The following HACL1 variants were observed in gnomAD, a reference collection of about 807,000 sequenced individuals.
HACL1 encodes the protein 2-hydroxyacyl-CoA lyase 1.
In HACL1, 64 loss-of-function variants were observed where a neutral mutation model predicts 74.2. The ratio of observed to expected loss-of-function variants is 0.86; its 90% CI spans 0.70 to 1.06. HACL1 has a LOEUF of 1.06. HACL1 is among the 50% of genes least tolerant of loss of function. The pLI is 0.00. For synonymous variants in HACL1, 230 were observed against 238.8 expected, an observed-to-expected ratio of 0.96 and a Z score of 0.34; for missense variants, 728 against 719.7, an observed-to-expected ratio of 1.01 and a Z score of -0.13.
chr3:15,583,321 T>C (rs541888052), intron 7 of HACL1, among the ~76,000 whole-genome samples: 15 of 152,326 alleles, frequency 9.8e-5, no homozygotes, highest in African/African-American at 3.1e-4. Flanking sequence ...TTCCCTGATA[T>C]CATCTAATAA....
chr3:15,592,181 T>C (rs1299235468), intron 3 of HACL1, among the ~76,000 whole-genome samples: 2 of 150,250 alleles, frequency 1.3e-5, no homozygotes, highest in South Asian at 2.1e-4. Flanking sequence ...CATGTATATA[T>C]GTATACATAC....
In HACL1 at chr3:15,593,946, T is replaced by C. The variant is rs1287301870; in HGVS notation, c.228-2266A>G. On this transcript the variant is annotated intron_variant, in intron 3 of 16. Coordinates refer to ENST00000321169, the MANE Select transcript of HACL1 (RefSeq NM_012260.4). The stretch of plus-strand genomic sequence containing the variant: ...CCAAGTAGCTGGGATTACAGGCATG[T>C]GCCACCACACCCGGCTAATTTTTGT... Among the ~76,000 whole-genome samples the C allele has an allele frequency of 3.3e-5, 5 of 152,044 alleles. No homozygotes were observed. In the East Asian group the frequency reaches 9.8e-4, roughly 30 times the overall value.
intron 3 of HACL1, among the ~76,000 whole-genome samples, chr3:15,591,929 G>C (rs763778883): frequency 4.3e-4 from 64 of 147,384 alleles, no homozygotes; most frequent in African/African-American, 1.5e-3. Context: ...GTATATATAC[G>C]TATATACGTG....
At chr3:15,594,172 C>T (rs2064014276) in intron 3 of HACL1, among the ~76,000 whole-genome samples, 1 of 152,148 alleles carries the variant, frequency 6.6e-6, no homozygotes, top group African/African-American at 2.4e-5. Flanking sequence ...TCTTGAGAGG[C>T]TGAGGCAGAT....
intron 16 of HACL1, 93 bp from the exon 17 acceptor site, chr3:15,560,990 C>CT: frequency 2.0e-6 from 2 of 983,992 alleles, no homozygotes. Flanking sequence ...CCTAAAAGTC[C>CT]TACACAATGG....
rs552798322 is a variant in HACL1 at position 15,562,413 on chromosome 3, T to C, written c.1704+945A>G. ...AATGCCAAAGTCATTGAAATCTGTT[T>C]TTACACAAATAGAATTTCAATAGAA... On this transcript the variant is annotated intron_variant, in intron 16 of 16. Transcript: ENST00000321169. Among the ~76,000 whole-genome samples, 22 of 152,342 alleles carry C rather than the reference T, an allele frequency of 1.4e-4. No individual in the cohort carries two copies. In the South Asian group the frequency reaches 4.6e-3, roughly 32 times the overall value.
Position 15,601,446 on chromosome 3 carries a change from G to T in HACL1, c.18C>A (p.Phe6Leu). MPDSN[F>L]AERSEEQVSG... The stretch of plus-strand genomic sequence containing the variant: ...ACACCTGCTCCTCGCTGCGCTCTGC[G>T]AAGTTACTGTCCGGCATCTTCCACC... Residue 6 changes from phenylalanine (F) to leucine (L), a missense_variant, in exon 1 of 17, where the codon TTC becomes TTA. Physicochemically the swap from Phe to Leu is conservative, Grantham distance 22 (BLOSUM62 0). Coordinates refer to ENST00000321169, the MANE Select transcript of HACL1 (RefSeq NM_012260.4). The T allele has an allele frequency of 1.9e-6, 3 of 1,613,564 alleles. No homozygotes were observed. Among genetic ancestry groups the T allele is most frequent in the East Asian group, 2.2e-5 (1 of 44,882 alleles).
At chr3:15,584,886 ATCCTGAG>A (rs2063768198) in intron 7 of HACL1, among the ~76,000 whole-genome samples, 1 of 152,156 alleles carries the variant, frequency 6.6e-6, no homozygotes, top group Admixed American at 6.5e-5. Context: ...GATGTTTTTT[ATCCTGAG>A]TCCTAATACT....
At chr3:15,572,137 G>A (rs2063546998) in intron 11 of HACL1, among the ~76,000 whole-genome samples, 1 of 152,230 alleles carries the variant, frequency 6.6e-6, no homozygotes, top group South Asian at 2.1e-4. Context: ...ACCATGCCCA[G>A]TCTGCTTTTT....
chr3:15,592,346 T>C (rs1255747523), intron 3 of HACL1, among the ~76,000 whole-genome samples: 2 of 136,988 alleles, frequency 1.5e-5, no homozygotes, highest in East Asian at 2.0e-4. Context: ...GGCACCAGAG[T>C]ATACTCTATA....
At position 15,591,613 on chromosome 3, in the gene HACL1, T is replaced by C; in HGVS notation, c.295A>G (p.Asn99Asp). 1 of 1,600,796 alleles carries C rather than the reference T, an allele frequency of 6.2e-7. No homozygotes were observed. Among genetic ancestry groups the C allele is most frequent in the Non-Finnish European group, 8.6e-7 (1 of 1,168,090 alleles). Residue 99 changes from asparagine to aspartate, a missense_variant, in exon 4 of 17, where the codon AAC (asparagine) becomes GAC (aspartate). Asn to Asp is a conservative substitution (Grantham distance 23, BLOSUM62 1). Transcript: ENST00000321169. ...TAATGTCATTACCAGCAGTTCATGTTTGCATTTGCCATACCGCCCAAGGCA... is the reference window on the plus strand; with the variant it reads ...TAATGTCATTACCAGCAGTTCATGTCTGCATTTGCCATACCGCCCAAGGCA... Reference protein sequence around the residue: ...IHALGGMANANMNCWPLLVIG... With the variant: ...IHALGGMANADMNCWPLLVIG...
chr3:15,561,507 A>G (rs1048692129), intron 16 of HACL1, among the ~76,000 whole-genome samples: 14 of 152,234 alleles, frequency 9.2e-5, no homozygotes, highest in African/African-American at 3.1e-4. Context: ...AGAATTGTAA[A>G]AGAGGAAGAC....
In HACL1 at chr3:15,585,279, C is replaced by A. The variant is rs763757367; in HGVS notation, c.523G>T (p.Val175Leu). ...ACYVDIPADF[V>L]NLQVNVNSIK... ...GAATTCACATTCACCTGAAGGTTCACAAAATCTGCTGGTATGTCAACATAG... is the reference window on the plus strand; with the variant it reads ...GAATTCACATTCACCTGAAGGTTCAAAAAATCTGCTGGTATGTCAACATAG... The change falls in exon 7 of 17, where the codon GTG becomes TTG. Residue 175 changes from valine to leucine, a missense_variant. By Grantham distance (32) the Val-to-Leu change is conservative. Transcript: ENST00000321169. 1 of 1,600,186 alleles carries A rather than the reference C, an allele frequency of 6.2e-7. No homozygotes were observed. Among genetic ancestry groups the A allele is most frequent in the Non-Finnish European group, 8.6e-7 (1 of 1,167,386 alleles).
intron 5 of HACL1, 122 bp downstream of exon 5, chr3:15,589,418 G>A: frequency 1.7e-6 from 1 of 582,208 alleles, no homozygotes; most frequent in South Asian, 2.1e-5. Flanking sequence ...GATTGCTTGA[G>A]GTCAGGAGGT....
Position 15,589,759 on chromosome 3 carries a change from G to T in HACL1, c.309-147C>A, listed in dbSNP as rs1001233134. The T allele has an allele frequency of 2.2e-4, 135 of 624,142 alleles. 1 individual carries two copies. Among genetic ancestry groups the T allele is most frequent in the Non-Finnish European group, 1.7e-4 (61 of 357,992 alleles). 38.7% of individuals were successfully genotyped at this position (624,142 alleles called of 1,614,324 possible). On this transcript the variant is annotated intron_variant, in intron 4 of 16. Transcript: ENST00000321169. ...CTTAGAAACTGTAGATTAAGGCTGGGTGAGGTGGCTCACCCCTTGTAATCC... is the reference window on the plus strand; with the variant it reads ...CTTAGAAACTGTAGATTAAGGCTGGTTGAGGTGGCTCACCCCTTGTAATCC...
At chr3:15,595,256 G>T (rs2064034896) in intron 3 of HACL1, among the ~76,000 whole-genome samples, 1 of 152,020 alleles carries the variant, frequency 6.6e-6, no homozygotes, top group South Asian at 2.1e-4. Flanking sequence ...TAAAATATTT[G>T]TCATATGTAA....
intron 9 of HACL1, among the ~76,000 whole-genome samples, chr3:15,576,010 G>A (rs2063617813): frequency 8.8e-6 from 1 of 114,116 alleles, no homozygotes; most frequent in East Asian, 2.6e-4. Flanking sequence ...ACAAAAATTA[G>A]CTGGTTGTGG....
chr3:15,592,033 GTATA>G (rs149209965), intron 3 of HACL1, among the ~76,000 whole-genome samples: 14,213 of 137,964 alleles, frequency 0.1, 1,068 homozygotes, highest in East Asian at 0.38. Flanking sequence ...CACTACATAC[GTATA>G]TATACACACA....
intron 16 of HACL1, 91 bp from the exon 17 acceptor site, chr3:15,560,988 T>C (rs1261511573): frequency 2.0e-6 from 2 of 988,980 alleles, no homozygotes; most frequent in Admixed American, 4.1e-5. Context: ...AACCTAAAAG[T>C]CCTACACAAT....
Sources: allele counts gnomAD v4.1 joint callset (sites outside exome capture counted in the v4.1 genomes callset), GRCh38; gene constraint gnomAD v4.1.1; transcripts MANE v1.5; gene names NCBI Gene and HGNC (gene_info 2026-07-23, HGNC 2026-07-21).